The following NOSTRIN variants were observed in gnomAD, a reference collection of about 807,000 sequenced individuals.
NOSTRIN encodes nitric oxide synthase trafficking.
Under a neutral mutation model 59.0 loss-of-function variants are expected in NOSTRIN, and 63 were observed. That is an observed-to-expected ratio of 1.07 (90% CI 0.87 to 1.32). The LOEUF is 1.32. NOSTRIN is among the 40% of genes most tolerant of loss of function. The pLI, the probability that NOSTRIN is intolerant of heterozygous loss-of-function variation, is 0.00. For synonymous variants in NOSTRIN, 200 were observed against 165.4 expected (o/e 1.21, Z -1.61); for missense variants, 512 against 473.1 (o/e 1.08, Z -0.76).
intron 3 of NOSTRIN, among the ~76,000 whole-genome samples, chr2:168,825,244 C>T (rs1000826764): frequency 6.6e-6 from 1 of 152,192 alleles, no homozygotes; most frequent in African/African-American, 2.4e-5. Context: ...GTCTTGTTAT[C>T]CCTGTTTACA....
intron 1 of NOSTRIN, among the ~76,000 whole-genome samples, chr2:168,809,720 ATAT>A: frequency 6.8e-6 from 1 of 147,968 alleles, no homozygotes; most frequent in East Asian, 1.9e-4. Flanking sequence ...AATAATAAAT[ATAT>A]TATTATATTA....
chr2:168,834,507 G>GCGCGCGCGCACACACACACACACACACA (rs756381301), intron 7 of NOSTRIN, among the ~76,000 whole-genome samples, 182 bp downstream of exon 7: 4 of 125,342 alleles, frequency 3.2e-5, no homozygotes, highest in Admixed American at 1.5e-4. Flanking sequence ...GCGCGCGCGC[G>GCGCGCGCGCACACACACACACACACACA]CACACACACA....
intron 2 of NOSTRIN, among the ~76,000 whole-genome samples, chr2:168,817,405 A>G (rs1686471610): frequency 6.6e-6 from 1 of 152,238 alleles, no homozygotes; most frequent in Non-Finnish European, 1.5e-5. Context: ...TCAGGGGGTG[A>G]GGAGGAGGTT....
At chr2:168,851,230 G>A (rs748092188) in intron 9 of NOSTRIN, 48 bp downstream of exon 9, 6 of 1,613,990 alleles carry the variant, frequency 3.7e-6, no homozygotes, top group South Asian at 2.2e-5. Context: ...GTAAGAAGGG[G>A]CAGAAACCTT....
rs547041737 is a variant in NOSTRIN, at chr2:168,803,806, C to T, written c.27+1133C>T. On this transcript the variant is annotated intron_variant, in intron 1 of 15. Coordinates refer to ENST00000317647, the MANE Select transcript of NOSTRIN (RefSeq NM_001039724.4). ...GTGAAACTTCCCCCTTTAATTACTT[C>T]AATCTCAGTGTTCTCTCCATTGTTA... Among the ~76,000 whole-genome samples the T allele has an allele frequency of 2.6e-5, 4 of 152,288 alleles. 1 individual carries two copies. Among genetic ancestry groups the T allele is most frequent in the African/African-American group, 9.6e-5 (4 of 41,554 alleles).
intron 1 of NOSTRIN, among the ~76,000 whole-genome samples, chr2:168,807,792 T>G (rs980682279): frequency 3.3e-5 from 5 of 152,200 alleles, no homozygotes; most frequent in African/African-American, 9.7e-5. Context: ...TTTACCACAC[T>G]CTACCAGTAC....
chr2:168,834,494 C>CGT (rs1559122765), intron 7 of NOSTRIN, among the ~76,000 whole-genome samples, 169 bp downstream of exon 7: 4 of 59,454 alleles, frequency 6.7e-5, no homozygotes, highest in Admixed American at 2.2e-4. Context: ...CTGGCGTGCG[C>CGT]GCGCGCGCGC....
chr2:168,790,345 T>G (rs1054771048), intron 2 of NOSTRIN, among the ~76,000 whole-genome samples: 25 of 152,332 alleles, frequency 1.6e-4, no homozygotes, highest in African/African-American at 6.0e-4. Context: ...AGTTTCAAGG[T>G]GTACGTCACC....
chr2:168,828,085 A>C, intron 3 of NOSTRIN, 73 bp from the exon 4 acceptor site: 1 of 847,090 alleles, frequency 1.2e-6, no homozygotes, highest in Non-Finnish European at 2.1e-6. Context: ...GCGATGCTGT[A>C]TTTCTAGCCA....
At chr2:168,805,802 ACT>A (rs2105526265) in intron 1 of NOSTRIN, among the ~76,000 whole-genome samples, 1 of 152,026 alleles carries the variant, frequency 6.6e-6, no homozygotes, top group Non-Finnish European at 1.5e-5. Context: ...ACTGTCACTA[ACT>A]CAGATGGTGC....
intron 2 of NOSTRIN, among the ~76,000 whole-genome samples, chr2:168,822,181 A>T (rs757955571): frequency 1.3e-5 from 2 of 152,226 alleles, no homozygotes; most frequent in African/African-American, 4.8e-5. Flanking sequence ...TGAGATATTT[A>T]TTGACTGGCT....
In NOSTRIN at chr2:168,855,376, G is replaced by C; in HGVS notation, c.880G>C (p.Asp294His). 1 of 1,603,502 alleles carries C rather than the reference G, an allele frequency of 6.2e-7. No homozygotes were observed. The highest frequency in any genetic ancestry group is 8.5e-7 in the Non-Finnish European group (1 of 1,171,952). Residue 294 changes from aspartate to histidine, a missense_variant, in exon 11 of 16, where the codon GAT (aspartate) becomes CAT (histidine). By Grantham distance (81) the Asp-to-His change is moderately conservative. Coordinates refer to ENST00000317647, the MANE Select transcript of NOSTRIN (RefSeq NM_001039724.4). ...YFEEDPNSAM[D>H]KERRKSLLKP... ...GGAAGAAGATCCTAACAGTGCAATG[G>C]ATAAAGAGAGACGAAAGTCTTTACT... is the stretch of plus-strand genomic sequence containing the variant.
At chr2:168,824,811 CTG>C in intron 3 of NOSTRIN, 94 bp downstream of exon 3, 1 of 688,244 alleles carries the variant, frequency 1.5e-6, no homozygotes. Context: ...GGGTCTTGCT[CTG>C]TTACCTGGGT....
At chr2:168,790,177 T>C (rs1182457732) in intron 2 of NOSTRIN, among the ~76,000 whole-genome samples, 2 of 152,212 alleles carry the variant, frequency 1.3e-5, no homozygotes, top group Non-Finnish European at 2.9e-5. Flanking sequence ...TGATTGATTG[T>C]CTTTTGTAGC....
intron 15 of NOSTRIN, among the ~76,000 whole-genome samples, chr2:168,862,367 TGTCACA>T (rs1689515251): frequency 6.6e-6 from 1 of 151,978 alleles, no homozygotes; most frequent in African/African-American, 2.4e-5. Flanking sequence ...CTTTGGCTAA[TGTCACA>T]GGCTGTGGCA....
intron 7 of NOSTRIN, among the ~76,000 whole-genome samples, chr2:168,836,683 A>G (rs796954636): frequency 2.0e-5 from 3 of 152,072 alleles, no homozygotes; most frequent in South Asian, 2.1e-4. Flanking sequence ...CTTGCCTCCT[A>G]CCTCACAGAG....
chr2:168,834,507 G>GCGCGCGCGCACACACACACACACACA (rs756381301), intron 7 of NOSTRIN, among the ~76,000 whole-genome samples, 182 bp downstream of exon 7: 15 of 125,430 alleles, frequency 1.2e-4, no homozygotes, highest in Admixed American at 6.9e-4. Context: ...GCGCGCGCGC[G>GCGCGCGCGCACACACACACACACACA]CACACACACA....
At chr2:168,823,858 C>A (rs1031081638) in intron 2 of NOSTRIN, among the ~76,000 whole-genome samples, 1 of 152,180 alleles carries the variant, frequency 6.6e-6, no homozygotes, top group Admixed American at 6.5e-5. Context: ...GGGTGGGTCA[C>A]CTGAGGTCAG....
At position 168,824,728 on chromosome 2, in the gene NOSTRIN, T is replaced by C; in HGVS notation, c.197+11T>C. On this transcript the variant is annotated intron_variant, in intron 3 of 15. Transcript: ENST00000317647. ...GAACACGAGAAAAAGGTAAGTATTG[T>C]GGCAGAGGTAAGGCAAAATCAACCC... The C allele has an allele frequency of 1.1e-6, 1 of 872,150 alleles. No homozygotes were observed. Among genetic ancestry groups the C allele is most frequent in the Non-Finnish European group, 2.0e-6 (1 of 501,212 alleles). 54.0% of individuals were successfully genotyped at this position (872,150 alleles called of 1,614,324 possible).
Sources: gnomAD v4.1 joint callset for allele counts (sites outside exome capture counted in the v4.1 genomes callset) on GRCh38, gnomAD v4.1.1 for gene constraint, MANE v1.5 for transcripts, NCBI Gene and HGNC (gene_info 2026-07-23, HGNC 2026-07-21) for gene names.